The following BMP6 variants were observed in gnomAD, a reference collection of about 807,000 sequenced individuals.
BMP6 encodes VG-1-R.
Under a neutral mutation model 54.1 loss-of-function variants are expected in BMP6, and 17 were observed. That is an observed-to-expected ratio of 0.31 (90% CI 0.22 to 0.47). The LOEUF is 0.47. BMP6 is among the 20% of genes least tolerant of loss of function. The probability of loss-of-function intolerance (pLI) is 1.00; values close to 1 mark genes in which losing one functional copy is unlikely to be tolerated. For synonymous variants in BMP6, 328 were observed against 291.2 expected, an observed-to-expected ratio of 1.13 and a Z score of -1.28; for missense variants, 720 against 690.4, an observed-to-expected ratio of 1.04 and a Z score of -0.48.
At chr6:7,862,599 C>A (rs1042511824) in intron 4 of BMP6, 101 bp downstream of exon 4, 3 of 1,456,750 alleles carry the variant, frequency 2.1e-6, no homozygotes, top group South Asian at 1.2e-5. Flanking sequence ...TTCTGCACAG[C>A]AAATCCAAAG....
chr6:7,875,681 T>G (rs1385600933), intron 4 of BMP6, among the ~76,000 whole-genome samples: 3 of 152,134 alleles, frequency 2.0e-5, no homozygotes, highest in African/African-American at 4.8e-5. Flanking sequence ...AAAAAAAGTT[T>G]TATCAGCTAC....
chr6:7,759,693 C>CTTT (rs1417534809), intron 1 of BMP6, among the ~76,000 whole-genome samples: 2 of 80,074 alleles, frequency 2.5e-5, no homozygotes, highest in Non-Finnish European at 4.9e-5. Flanking sequence ...TTTCTTTCTT[C>CTTT]TTCTTTTTTT....
chr6:7,727,289 GAGCAGC>G lies in BMP6; in HGVS notation c.350_355del (p.Gln117_Gln118del), dbSNP rs537332654. On this transcript the variant is annotated inframe_deletion, in exon 1 of 7. Coordinates refer to ENST00000283147, the MANE Select transcript of BMP6 (RefSeq NM_001718.6). Reference sequence around the variant, plus strand: ...GCCCCCGGCGCTCCGGCAGCAGGAGGAGCAGCAGCAGCAGCAGCAGCTGCCTCGCGG... The same window carrying G: ...GCCCCCGGCGCTCCGGCAGCAGGAGGAGCAGCAGCAGCAGCTGCCTCGCGG... The G allele has an allele frequency of 3.9e-5, 62 of 1,605,782 alleles. No individual in the cohort carries two copies. The highest frequency in any genetic ancestry group is 1.7e-4 in the Middle Eastern group (1 of 6,030).
chr6:7,799,320 A>C (rs1758236099), intron 1 of BMP6, among the ~76,000 whole-genome samples: 1 of 152,250 alleles, frequency 6.6e-6, no homozygotes. Flanking sequence ...CAATCAAAGT[A>C]GGGGACAGGG....
chr6:7,799,161 G>C (rs1172284458), intron 1 of BMP6, among the ~76,000 whole-genome samples: 1 of 152,216 alleles, frequency 6.6e-6, no homozygotes, highest in African/African-American at 2.4e-5. Flanking sequence ...AAAGGAGGGA[G>C]AGAGGAGAGA....
intron 1 of BMP6, among the ~76,000 whole-genome samples, chr6:7,784,295 A>G (rs1757991580): frequency 1.3e-5 from 2 of 152,112 alleles, no homozygotes; most frequent in African/African-American, 4.8e-5. Context: ...CCTTCTTATT[A>G]TCTAAGTCCA....
chr6:7,764,783 C>A (rs1345823150), intron 1 of BMP6, among the ~76,000 whole-genome samples: 1 of 152,128 alleles, frequency 6.6e-6, no homozygotes, highest in African/African-American at 2.4e-5. Context: ...GTCCGGCTGC[C>A]CTTCACATTT....
chr6:7,771,657 A>G (rs1034882192), intron 1 of BMP6, among the ~76,000 whole-genome samples: 1 of 150,816 alleles, frequency 6.6e-6, no homozygotes, highest in African/African-American at 2.4e-5. Context: ...GCAGCATTCT[A>G]CTGAAGACTT....
At position 7,845,276 on chromosome 6, in the gene BMP6, T is replaced by G. The variant is rs1464497077; in HGVS notation, c.801T>G (p.Phe267Leu). Residue 267 changes from phenylalanine to leucine, a missense_variant, in exon 2 of 7, where the codon TTT becomes TTG. Phe to Leu is a conservative substitution (Grantham distance 22). Coordinates refer to ENST00000283147, the MANE Select transcript of BMP6 (RefSeq NM_001718.6). Reference protein sequence around the residue: ...RIYKDCVMGSFKNQTFLISIY... With the variant: ...RIYKDCVMGSLKNQTFLISIY... ...ACAAGGACTGTGTTATGGGGAGTTT[T>G]AAAAACCAAACTTTTCTTATCAGCA... 2.5e-6 allele frequency: 4 copies of G among 1,614,052 alleles called. No individual in the cohort carries two copies. The highest frequency in any genetic ancestry group is 1.3e-5 in the African/African-American group (1 of 74,908).
Position 7,880,120 on chromosome 6 carries a change from T to G in BMP6, c.1392+19T>G, listed in dbSNP as rs762621552. On this transcript the variant is annotated intron_variant, in intron 6 of 6. Coordinates refer to ENST00000283147, the MANE Select transcript of BMP6 (RefSeq NM_001718.6). ...GACCTTGGTGAGCTCTCGGAGACTT[T>G]GTTTTGTAAGTGGGAGTAAGCCAAG... 1 of 1,614,122 alleles carries G rather than the reference T, an allele frequency of 6.2e-7. No individual in the cohort carries two copies. The highest frequency in any genetic ancestry group is 8.5e-7 in the Non-Finnish European group (1 of 1,179,968).
intron 1 of BMP6, among the ~76,000 whole-genome samples, chr6:7,786,733 A>G (rs1758025914): frequency 6.6e-6 from 1 of 152,144 alleles, no homozygotes; most frequent in African/African-American, 2.4e-5. Flanking sequence ...CACAGAAAGA[A>G]GAAGGAAAAA....
chr6:7,800,267 A>C (rs1203546379), intron 1 of BMP6, among the ~76,000 whole-genome samples: 1 of 152,232 alleles, frequency 6.6e-6, no homozygotes, highest in Non-Finnish European at 1.5e-5. Context: ...CACAGTGAGT[A>C]GTGGAGACAA....
chr6:7,771,196 C>T (rs747692648), intron 1 of BMP6, among the ~76,000 whole-genome samples: 36 of 152,204 alleles, frequency 2.4e-4, no homozygotes, highest in Non-Finnish European at 3.2e-4. Flanking sequence ...CAGATATGTA[C>T]CTGACACGTA....
At chr6:7,850,546 A>C (rs1195449434) in intron 2 of BMP6, among the ~76,000 whole-genome samples, 2 of 152,196 alleles carry the variant, frequency 1.3e-5, no homozygotes, top group African/African-American at 4.8e-5. Context: ...TTTTTGACAG[A>C]ATTCACAAAA....
intron 1 of BMP6, among the ~76,000 whole-genome samples, chr6:7,809,914 A>G (rs754690924): frequency 7.3e-5 from 11 of 151,468 alleles, no homozygotes; most frequent in Non-Finnish European, 1.3e-4. Flanking sequence ...AAAATAGATC[A>G]TATTAATGCC....
chr6:7,790,877 C>T (rs1034327978), intron 1 of BMP6, among the ~76,000 whole-genome samples: 3 of 152,216 alleles, frequency 2.0e-5, no homozygotes, highest in Non-Finnish European at 4.4e-5. Flanking sequence ...CTACTCCCAG[C>T]TCTTCTAGCC....
Position 7,790,547 on chromosome 6 carries a change from GACAC to G in BMP6, c.665-54587_665-54584del, listed in dbSNP as rs1457394138. 1.1e-3 allele frequency among the ~76,000 whole-genome samples: 104 copies of G among 96,906 alleles called. 2 individuals carry two copies. The highest frequency in any genetic ancestry group is 5.4e-4 in the Non-Finnish European group (26 of 48,312). 63.6% of individuals were successfully genotyped at this position (96,906 alleles called of 152,430 possible). Reference sequence around the variant, plus strand: ...AAAAAAAAAAAAAAAAAAAAAAAAAGACACACACATATACAGCTGTTCTTGTTGG... The same window carrying G: ...AAAAAAAAAAAAAAAAAAAAAAAAAGACACATATACAGCTGTTCTTGTTGG... On this transcript the variant is annotated intron_variant, in intron 1 of 6. Transcript: ENST00000283147.
At position 7,879,150 on chromosome 6, in the gene BMP6, G is replaced by A; in HGVS notation, c.1281G>A (p.Gln427=). Reference sequence around the variant, plus strand: ...TGAGTTTCCAAGACCTGGGATGGCAGGTGAGTTCTCTGGACACGGGGGATA... The same window carrying A: ...TGAGTTTCCAAGACCTGGGATGGCAAGTGAGTTCTCTGGACACGGGGGATA... The part of the protein sequence containing the change: ...LYVSFQDLGW[Q]DWIIAPKGYA... Residue 427 remains glutamine (Q), a splice_region_variant and synonymous_variant, in exon 5 of 7, where the codon CAG becomes CAA. Coordinates refer to ENST00000283147, the MANE Select transcript of BMP6 (RefSeq NM_001718.6). The A allele has an allele frequency of 6.2e-7, 1 of 1,613,670 alleles. No individual in the cohort carries two copies. The highest frequency in any genetic ancestry group is 8.5e-7 in the Non-Finnish European group (1 of 1,179,520).
intron 1 of BMP6, among the ~76,000 whole-genome samples, chr6:7,772,091 A>T (rs1757798508): frequency 6.6e-6 from 1 of 151,978 alleles, no homozygotes; most frequent in Non-Finnish European, 1.5e-5. Flanking sequence ...ACAAACCCAA[A>T]AAAACCCTTT....
Sources: allele counts gnomAD v4.1 joint callset (sites outside exome capture counted in the v4.1 genomes callset), GRCh38; gene constraint gnomAD v4.1.1; transcripts MANE v1.5; gene names NCBI Gene and HGNC (gene_info 2026-07-23, HGNC 2026-07-21).